The following LCT variants were observed in gnomAD, a reference collection of about 807,000 sequenced individuals.
LCT encodes the protein lactase, also known as lactase/phlorizin hydrolase.
In LCT, 90 loss-of-function variants were observed where a neutral mutation model predicts 173.0. That is an observed-to-expected ratio of 0.52 (90% CI 0.44 to 0.62). The LOEUF is 0.62. Ranked by LOEUF, LCT falls within the 20% of genes least tolerant of loss-of-function variation. The pLI is 0.00. For synonymous variants in LCT, 853 were observed against 957.6 expected (o/e 0.89, Z 2.02); for missense variants, 1,864 against 2,431.4 (o/e 0.77, Z 4.91).
intron 9 of LCT, 110 bp from the exon 10 acceptor site, chr2:135,805,167 G>C: frequency 3.7e-6 from 4 of 1,086,954 alleles, no homozygotes; most frequent in Non-Finnish European, 4.2e-6. Flanking sequence ...TTGTGATAAC[G>C]CTTAGCTTAA....
At position 135,794,790 on chromosome 2, in the gene LCT, C is replaced by T; in HGVS notation, c.4977-15G>A. 6.2e-7 allele frequency: 1 copy of T among 1,614,148 alleles called. No homozygotes were observed. The highest frequency in any genetic ancestry group is 8.5e-7 in the Non-Finnish European group (1 of 1,180,014). On this transcript the variant is annotated splice_polypyrimidine_tract_variant and intron_variant, in intron 13 of 16. Transcript: ENST00000264162. ...ATTCTGGCAGCCTGGGTGGAAGAAG[C>T]CATTGAGGGCAGGGCTTCAGGGAGA...
chr2:135,794,537 T>C (rs1328266856), intron 14 of LCT, 104 bp downstream of exon 14: 2 of 1,239,612 alleles, frequency 1.6e-6, no homozygotes, highest in Non-Finnish European at 2.4e-6. Flanking sequence ...ACATTCGGCG[T>C]TGGAGGCCCT....
At chr2:135,792,932 C>T (rs2077544094) in intron 14 of LCT, among the ~76,000 whole-genome samples, 1 of 152,202 alleles carries the variant, frequency 6.6e-6, no homozygotes, top group South Asian at 2.1e-4. Flanking sequence ...ACTACCGCAG[C>T]TGGTGGCAGT....
chr2:135,820,409 A>G, intron 5 of LCT: 1 of 152,370 alleles, frequency 6.6e-6, no homozygotes, highest in Non-Finnish European at 1.5e-5. Flanking sequence ...GTGGTCAGGA[A>G]GCAGTGGTAA....
At chr2:135,826,515 G>A (rs183459836) in intron 3 of LCT, among the ~76,000 whole-genome samples, 133 of 152,008 alleles carry the variant, frequency 8.7e-4, no homozygotes, top group African/African-American at 1.4e-3. Context: ...GCAGTGAGCC[G>A]AGATCATGCC....
intron 5 of LCT, among the ~76,000 whole-genome samples, chr2:135,818,664 C>T (rs1270163193): frequency 6.6e-6 from 1 of 152,120 alleles, no homozygotes; most frequent in Non-Finnish European, 1.5e-5. Flanking sequence ...ATGGGGAAAC[C>T]CCGTCTCTAC....
Position 135,836,144 on chromosome 2 carries a change from G to A in LCT, c.640+386C>T, listed in dbSNP as rs1415336654. ...AGCAATTCTCCTGCCTAAGCCTCCC[G>A]AGTAGCTGGGATCACAGGCGCCTGC... On this transcript the variant is annotated intron_variant, in intron 1 of 16. Coordinates refer to ENST00000264162, the MANE Select transcript of LCT (RefSeq NM_002299.4). 3.3e-5 allele frequency among the ~76,000 whole-genome samples: 5 copies of A among 151,372 alleles called. No individual in the cohort carries two copies. In the East Asian group the frequency reaches 5.8e-4, roughly 18 times the overall value.
In LCT at chr2:135,809,877, C is replaced by T. The variant is rs140434720; in HGVS notation, c.2470G>A (p.Asp824Asn). ...CTGGGAGTCCTTGACTTGCTGCTGTCGCTGAAGTTGACGTGGTGCAGGCCA... is the reference window on the plus strand; with the variant it reads ...CTGGGAGTCCTTGACTTGCTGCTGTTGCTGAAGTTGACGTGGTGCAGGCCA... ...RFGLHHVNFS[D>N]SSKSRTPRKS... Residue 824 changes from aspartate (D) to asparagine (N), a missense_variant, in exon 8 of 17, where the codon GAC (aspartate) becomes AAC (asparagine). Asp to Asn is a conservative substitution (Grantham distance 23). Around this residue, in one of 4 missense-constraint regions of LCT, gnomAD observed 755 missense variants for 926.3 expected, o/e 0.82. Transcript: ENST00000264162. This position sits in a 1 kb window ranked among gnomAD's most constrained non-coding sequence, Gnocchi z 5.5. 17 of 1,614,012 alleles carry T rather than the reference C, an allele frequency of 1.1e-5. No individual in the cohort carries two copies. The highest frequency in any genetic ancestry group is 4.0e-5 in the African/African-American group (3 of 74,898).
chr2:135,812,099 A>G (rs1288342791), intron 7 of LCT, among the ~76,000 whole-genome samples: 2 of 152,180 alleles, frequency 1.3e-5, no homozygotes, highest in African/African-American at 4.8e-5. Flanking sequence ...ACAAAACAAA[A>G]TAAAACAAAA....
At chr2:135,803,020 G>C (rs1028311166) in intron 11 of LCT, among the ~76,000 whole-genome samples, 6 of 152,176 alleles carry the variant, frequency 3.9e-5, no homozygotes, top group South Asian at 2.1e-4. Flanking sequence ...GCTGAGGCAG[G>C]AGAATTGCTT....
chr2:135,793,061 A>G (rs945504562), intron 14 of LCT, among the ~76,000 whole-genome samples: 2 of 152,196 alleles, frequency 1.3e-5, no homozygotes, highest in African/African-American at 4.8e-5. Context: ...TGCTCCAAAG[A>G]AAGAGAAAAC....
rs747918811 is a variant in LCT at position 135,818,202 on chromosome 2, G to T, written c.987-141C>A. The stretch of plus-strand genomic sequence containing the variant: ...AAAAGTCATATCTGCAAAGCCATGG[G>T]CAGGAAGTAACTGGCAGATGGGAAA... On this transcript the variant is annotated intron_variant, in intron 5 of 16. Transcript: ENST00000264162. The T allele has an allele frequency of 7.2e-5, 70 of 970,146 alleles. No individual in the cohort carries two copies. The Middle Eastern group carries it at 1.9e-3, about 27-fold the overall frequency. The allele number at this position is 970,146 out of a possible 1,614,324, so 60.1% of individuals were successfully genotyped here.
intron 13 of LCT, 103 bp from the exon 14 acceptor site, chr2:135,794,878 C>G (rs1036526391): frequency 2.6e-5 from 35 of 1,334,894 alleles, no homozygotes; most frequent in Non-Finnish European, 3.2e-5. Flanking sequence ...ACCCCAGGCA[C>G]TTGGCAGTGA....
chr2:135,796,153 G>GT (rs1173748870), intron 13 of LCT, among the ~76,000 whole-genome samples: 1 of 152,230 alleles, frequency 6.6e-6, no homozygotes, highest in Non-Finnish European at 1.5e-5. Context: ...GCATGTACAG[G>GT]TGATCCTGAA....
chr2:135,813,370 T>C (rs907800140), intron 6 of LCT, among the ~76,000 whole-genome samples: 4 of 151,672 alleles, frequency 2.6e-5, no homozygotes, highest in Non-Finnish European at 5.9e-5. Flanking sequence ...GTCAACAATA[T>C]CAAGTCAACA....
In LCT at chr2:135,804,033, A is replaced by G; in HGVS notation, c.4560T>C (p.Asp1520=). Residue 1520 remains aspartate, a synonymous_variant, in exon 11 of 17, where the codon GAT becomes GAC. Coordinates refer to ENST00000264162, the MANE Select transcript of LCT (RefSeq NM_002299.4). Reference sequence around the variant, plus strand: ...TGTCTCCCAGCCTCTGGAAGAGCACATCTGCATACTCCTTAAACCGCTGCA... The same window carrying G: ...TGTCTCCCAGCCTCTGGAAGAGCACGTCTGCATACTCCTTAAACCGCTGCA... ...TIVQRFKEYA[D]VLFQRLGDKV... The G allele has an allele frequency of 2.5e-6, 4 of 1,614,140 alleles. No homozygotes were observed. Among genetic ancestry groups the G allele is most frequent in the Non-Finnish European group, 3.4e-6 (4 of 1,179,980 alleles).
chr2:135,825,432 C>T (rs1458786498), intron 3 of LCT, among the ~76,000 whole-genome samples: 3 of 152,144 alleles, frequency 2.0e-5, no homozygotes, highest in East Asian at 1.9e-4. Flanking sequence ...CCCAGGGTGG[C>T]GTGCTTAGGG....
chr2:135,819,090 TCTC>T (rs1406956308), intron 5 of LCT, among the ~76,000 whole-genome samples: 5 of 152,142 alleles, frequency 3.3e-5, no homozygotes, highest in Non-Finnish European at 5.9e-5. Context: ...ATGAGTAACT[TCTC>T]CTTGCACACA....
chr2:135,794,902 G>T, intron 13 of LCT, 127 bp from the exon 14 acceptor site: 1 of 1,067,532 alleles, frequency 9.4e-7, no homozygotes, highest in East Asian at 2.4e-5. Context: ...GGGGAAACTG[G>T]CAGGGAAGGA....
Sources: allele counts gnomAD v4.1 joint callset (sites outside exome capture counted in the v4.1 genomes callset), GRCh38; gene constraint gnomAD v4.1.1; regional missense constraint gnomAD v4.1.1; non-coding constraint Gnocchi (gnomAD v3.1); transcripts MANE v1.5; gene names NCBI Gene and HGNC (gene_info 2026-07-23, HGNC 2026-07-21).